Variants in DNAAF9 observed in about 807,000 individuals in gnomAD.
DNAAF9 encodes the protein dynein axonemal assembly factor 9.
In DNAAF9, 90 loss-of-function variants were observed where a neutral mutation model predicts 167.0. That is an observed-to-expected ratio of 0.54 (90% confidence interval 0.45 to 0.64). The LOEUF is 0.64. DNAAF9 is among the 30% of genes least tolerant of loss of function. The probability of loss-of-function intolerance (pLI) is 0.00; values close to 1 mark genes in which losing one functional copy is unlikely to be tolerated. For synonymous variants in DNAAF9, 491 were observed against 508.8 expected (o/e 0.96, Z 0.47); for missense variants, 1,315 against 1,442.2 (o/e 0.91, Z 1.43).
chr20:3,330,760 A>C, intron 11 of DNAAF9, 78 bp from the exon 12 acceptor site: 9 of 778,848 alleles, frequency 1.2e-5, no homozygotes, highest in Non-Finnish European at 1.9e-5. Context: ...GAAATGCTTA[A>C]TTTACCTGGA....
chr20:3,376,592 A>G (rs1332031106), intron 3 of DNAAF9, among the ~76,000 whole-genome samples: 1 of 152,224 alleles, frequency 6.6e-6, no homozygotes, highest in East Asian at 1.9e-4. Context: ...GCTTGATTTT[A>G]GACTTTTTAG....
At position 3,259,569 on chromosome 20, in the gene DNAAF9, G is replaced by C. The variant is rs2068344093; in HGVS notation, c.2981-15C>G. On this transcript the variant is annotated splice_polypyrimidine_tract_variant and intron_variant, in intron 32 of 36. Transcript: ENST00000252032. ...GGACTGAATTGCTGGTGGAAGAAGA[G>C]GACAGCGCTGTCACCCACATGGAGG... The C allele has an allele frequency of 1.4e-5, 22 of 1,586,934 alleles. No individual in the cohort carries two copies. The highest frequency in any genetic ancestry group is 1.8e-5 in the Non-Finnish European group (21 of 1,155,358).
At chr20:3,366,073 G>A (rs2083429174) in intron 6 of DNAAF9, among the ~76,000 whole-genome samples, 1 of 152,192 alleles carries the variant, frequency 6.6e-6, no homozygotes, top group Non-Finnish European at 1.5e-5. Context: ...TCCTGTTAAT[G>A]TTGTTATTCT....
intron 1 of DNAAF9, among the ~76,000 whole-genome samples, chr20:3,406,930 A>G (rs374674597): frequency 1.3e-5 from 2 of 151,876 alleles, no homozygotes; most frequent in African/African-American, 4.8e-5. Context: ...GACACTCTTT[A>G]AGGAAGCCGT....
At position 3,314,680 on chromosome 20, in the gene DNAAF9, G is replaced by GC. The variant is rs879340878; in HGVS notation, c.1678+352_1678+353insG. Among the ~76,000 whole-genome samples the GC allele has an allele frequency of 1.4e-4, 21 of 152,276 alleles. No individual in the cohort carries two copies. In the East Asian group the frequency reaches 3.7e-3, roughly 27 times the overall value. On this transcript the variant is annotated intron_variant, in intron 20 of 36. Transcript: ENST00000252032. The stretch of plus-strand genomic sequence containing the variant: ...AACTGTGAGATAATAAGAGGGTGTT[G>GC]TTTTAAGCTACTAAATTTGTGGTCA...
At chr20:3,320,277 A>G (rs2123045378) in intron 16 of DNAAF9, among the ~76,000 whole-genome samples, 1 of 152,356 alleles carries the variant, frequency 6.6e-6, no homozygotes, top group South Asian at 2.1e-4. Context: ...TGTGTAGTAC[A>G]AACTGCAACT....
chr20:3,304,489 C>T lies in DNAAF9; in HGVS notation c.1733G>A (p.Ser578Asn). The T allele has an allele frequency of 6.5e-7, 1 of 1,528,198 alleles. No homozygotes were observed. The highest frequency in any genetic ancestry group is 1.1e-5 in the South Asian group (1 of 89,244). 94.7% of individuals were successfully genotyped at this position (1,528,198 alleles called of 1,614,324 possible). The stretch of plus-strand genomic sequence containing the variant: ...CATGTGATCCTTGGAAATGATGATA[C>T]TTCTATGACGACAGTGAGAAAACAG... ...GLLFSHCRHR[S>N]IIISKDHMNS... The change falls in exon 21 of 37, where the codon AGT (serine) becomes AAT (asparagine). Residue 578 changes from serine to asparagine, a missense_variant. This residue lies in a region of DNAAF9 where 981 missense variants were observed against 1,012.5 expected (regional missense o/e 0.97). Coordinates refer to ENST00000252032, the MANE Select transcript of DNAAF9 (RefSeq NM_001009984.3).
At position 3,340,555 on chromosome 20, in the gene DNAAF9, T is replaced by C. The variant is rs2070061303; in HGVS notation, c.930A>G (p.Glu310=). Residue 310 remains glutamate (E), a synonymous_variant, in exon 10 of 37, where the codon GAA becomes GAG. Coordinates refer to ENST00000252032, the MANE Select transcript of DNAAF9 (RefSeq NM_001009984.3). Reference sequence around the variant, plus strand: ...GACCAGTGCTTCGTACCAGATGTCCTTCAGAAGGGAAGTTAAAGTTGCCAG... The same window carrying C: ...GACCAGTGCTTCGTACCAGATGTCCCTCAGAAGGGAAGTTAAAGTTGCCAG... ...LNAGNFNFPS[E]GHLVRSTGPG... The C allele has an allele frequency of 1.9e-6, 3 of 1,612,002 alleles. No individual in the cohort carries two copies. Among genetic ancestry groups the C allele is most frequent in the African/African-American group, 2.7e-5 (2 of 74,566 alleles).
intron 10 of DNAAF9, among the ~76,000 whole-genome samples, chr20:3,335,974 T>C (rs113015656): frequency 0.045 from 6,817 of 151,716 alleles, 228 homozygotes; most frequent in African/African-American, 0.095. Context: ...AATACAAAAA[T>C]TAGCCAGGCA....
chr20:3,290,125 TA>T lies in DNAAF9; in HGVS notation c.2327+3del. 1 of 1,596,326 alleles carries T rather than the reference TA, an allele frequency of 6.3e-7. No homozygotes were observed. The highest frequency in any genetic ancestry group is 8.6e-7 in the Non-Finnish European group (1 of 1,163,690). On this transcript the variant is annotated splice_donor_region_variant and intron_variant, in intron 26 of 36. Transcript: ENST00000252032. ...CCCAAAGCAAAGGCATCAGCCATAC[TA>T]ACCTGCCACATTCCTTATGCAGAGT...
chr20:3,333,157 C>G (rs1415582329), intron 10 of DNAAF9, among the ~76,000 whole-genome samples: 2 of 152,142 alleles, frequency 1.3e-5, no homozygotes. Flanking sequence ...CTATCCACAT[C>G]CCCACAACCA....
At chr20:3,343,287 C>T (rs761735003) in intron 9 of DNAAF9, among the ~76,000 whole-genome samples, 69 of 152,164 alleles carry the variant, frequency 4.5e-4, no homozygotes, top group Non-Finnish European at 8.1e-4. Context: ...CTCAGCCTCC[C>T]GAGTAGCTGG....
chr20:3,278,327 G>A (rs1293262177), intron 29 of DNAAF9, among the ~76,000 whole-genome samples: 1 of 152,130 alleles, frequency 6.6e-6, no homozygotes, highest in Non-Finnish European at 1.5e-5. Context: ...TGATCCAGAG[G>A]CTAGGAATAC....
intron 8 of DNAAF9, among the ~76,000 whole-genome samples, chr20:3,346,126 T>C (rs1214511555): frequency 5.3e-5 from 8 of 152,262 alleles, no homozygotes; most frequent in Non-Finnish European, 1.2e-4. Context: ...CTATTTTTCA[T>C]CTGTGAGACT....
Position 3,315,143 on chromosome 20 carries a change from A to G in DNAAF9, c.1591-23T>C. 2 of 1,379,594 alleles carry G rather than the reference A, an allele frequency of 1.4e-6. No homozygotes were observed. Among genetic ancestry groups the G allele is most frequent in the Non-Finnish European group, 2.1e-6 (2 of 967,410 alleles). 85.5% of individuals were successfully genotyped at this position (1,379,594 alleles called of 1,614,324 possible). On this transcript the variant is annotated intron_variant, in intron 19 of 36. Coordinates refer to ENST00000252032, the MANE Select transcript of DNAAF9 (RefSeq NM_001009984.3). The surrounding 1 kb of genome is among the most constrained non-coding windows in gnomAD (Gnocchi z 4.1). ...CCCCTTTAAAAACAACAACAAAAAC[A>G]AAAATCCAAAAAAGAATAGGTGATT... is the stretch of plus-strand genomic sequence containing the variant.
At chr20:3,384,786 C>T (rs887148688) in intron 1 of DNAAF9, among the ~76,000 whole-genome samples, 6 of 152,088 alleles carry the variant, frequency 3.9e-5, no homozygotes, top group Non-Finnish European at 5.9e-5. Context: ...CAGAGATACT[C>T]GAGGCTGGTT....
intron 6 of DNAAF9, among the ~76,000 whole-genome samples, chr20:3,369,192 G>A (rs1189972139): frequency 6.6e-6 from 1 of 151,518 alleles, no homozygotes; most frequent in Non-Finnish European, 1.5e-5. Context: ...CAGATTTAAG[G>A]GTTTTTTTTC....
intron 1 of DNAAF9, among the ~76,000 whole-genome samples, chr20:3,390,774 A>C (rs979673647): frequency 3.3e-5 from 5 of 152,210 alleles, no homozygotes; most frequent in African/African-American, 1.2e-4. Flanking sequence ...TCAAGATTAA[A>C]GTCAGAAAAA....
intron 6 of DNAAF9, among the ~76,000 whole-genome samples, chr20:3,360,782 T>C (rs1039067227): frequency 1.3e-5 from 2 of 152,198 alleles, no homozygotes; most frequent in African/African-American, 4.8e-5. Context: ...AAAGCCCTGT[T>C]TAAAACTTCA....
Sources: allele counts gnomAD v4.1 joint callset (sites outside exome capture counted in the v4.1 genomes callset), GRCh38; gene constraint gnomAD v4.1.1; regional missense constraint gnomAD v4.1.1; non-coding constraint Gnocchi (gnomAD v3.1); transcripts MANE v1.5; gene names NCBI Gene and HGNC (gene_info 2026-07-23, HGNC 2026-07-21).